VMO1: variants seen among roughly 807,000 people sequenced by gnomAD.
VMO1 encodes the protein vitelline membrane outer layer 1 homolog, also known as vitelline membrane outer layer protein 1 homolog.
In VMO1, 13 loss-of-function variants were observed where a neutral mutation model predicts 10.1. That is an observed-to-expected ratio of 1.29 (90% CI 0.84 to 2.05). VMO1 has a LOEUF of 2.05. Ranked by LOEUF, VMO1 falls within the 30% of genes most tolerant of loss-of-function variation. VMO1 has a pLI of 0.00. For missense variants in VMO1, 304 were observed against 276.9 expected (o/e 1.10, Z -0.70); for synonymous variants, 117 against 122.2 (o/e 0.96, Z 0.28).
intron 2 of VMO1, 124 bp downstream of exon 2, chr17:4,785,813 C>G: frequency 6.5e-7 from 1 of 1,536,592 alleles, no homozygotes; most frequent in African/African-American, 1.4e-5. Context: ...ATCCACCCTT[C>G]GCCTCCCCGG....
chr17:4,785,410 G>A lies in VMO1; in HGVS notation c.561C>T (p.Gly187=). ...GCGCGTCGTTCAGCGCAGTGTCATC[G>A]CCGAGGCCTCTAGGTCCCTGGATCT... The part of the protein sequence containing the change: ...QTKIQGPRGL[G]DDTALNDARL... The change falls in exon 3 of 3, where the codon GGC becomes GGT. Residue 187 remains glycine, a synonymous_variant. Transcript: ENST00000328739. 3 of 1,614,048 alleles carry A rather than the reference G, an allele frequency of 1.9e-6. No homozygotes were observed. Among genetic ancestry groups the A allele is most frequent in the Non-Finnish European group, 2.5e-6 (3 of 1,180,016 alleles).
At position 4,786,276 on chromosome 17, in the gene VMO1, G is replaced by A. The variant is rs1917492464; in HGVS notation, c.77C>T (p.Thr26Ile). The change falls in exon 1 of 3, where the codon ACA becomes ATA. Residue 26 changes from threonine (T) to isoleucine (I), a missense_variant. Transcript: ENST00000328739. ...CGCCGTGTAGCCGTTCCGGCCATCT[G>A]TCTGTGCACATGTGAAACCAGTCGC... ...LRATGFTCAQ[T>I]DGRNGYTAVI... is the part of the protein sequence containing the mutation. The A allele has an allele frequency of 6.2e-7, 1 of 1,611,238 alleles. No individual in the cohort carries two copies. Among genetic ancestry groups the A allele is most frequent in the Non-Finnish European group, 8.5e-7 (1 of 1,179,478 alleles).
chr17:4,786,303 C>T lies in VMO1; in HGVS notation c.50G>A (p.Arg17Gln). Residue 17 changes from arginine (R) to glutamine (Q), a missense_variant, in exon 1 of 3, where the codon CGG (arginine) becomes CAG (glutamine). By Grantham distance (43) the Arg-to-Gln change is conservative. Coordinates refer to ENST00000328739, the MANE Select transcript of VMO1 (RefSeq NM_182566.3). ...AKLLPLLLLL[R>Q]ATGFTCAQTD... ...CTGTGCACATGTGAAACCAGTCGCCCGCAGAAGCAGCAGCAGCGGCAGCAG... is the reference window on the plus strand; with the variant it reads ...CTGTGCACATGTGAAACCAGTCGCCTGCAGAAGCAGCAGCAGCGGCAGCAG... 3 of 1,606,302 alleles carry T rather than the reference C, an allele frequency of 1.9e-6. No individual in the cohort carries two copies. Among genetic ancestry groups the T allele is most frequent in the South Asian group, 2.2e-5 (2 of 90,736 alleles).
rs549234913 is a variant in VMO1, at chr17:4,786,070, G to A, written c.196-18C>T. 11 of 1,613,956 alleles carry A rather than the reference G, an allele frequency of 6.8e-6. No homozygotes were observed. The highest frequency in any genetic ancestry group is 1.3e-5 in the African/African-American group (1 of 74,918). On this transcript the variant is annotated intron_variant, in intron 1 of 2. Coordinates refer to ENST00000328739, the MANE Select transcript of VMO1 (RefSeq NM_182566.3). ...GGCTCCACCTGGGTATCGAGGAGAG[G>A]GGCAAGGGCGAGTCACGGAATTATC...
rs1917463805 is a variant in VMO1, at chr17:4,785,819, C to G, written c.311+118G>C. On this transcript the variant is annotated intron_variant, in intron 2 of 2. Transcript: ENST00000328739. ...GGGTCTTCCATCCACCCTTCGCCTC[C>G]CCGGTCTATACTGCCCCGTAGCTCT... 9 of 1,544,954 alleles carry G rather than the reference C, an allele frequency of 5.8e-6. No individual in the cohort carries two copies. The Admixed American group carries it at 7.9e-5, about 14-fold the overall frequency.
chr17:4,785,871 G>C, intron 2 of VMO1, 66 bp downstream of exon 2: 7 of 1,603,510 alleles, frequency 4.4e-6, no homozygotes, highest in Non-Finnish European at 5.1e-6. Flanking sequence ...CTGTTGCGAC[G>C]GAGTATGTAA....
rs775939709 is a variant in VMO1 at position 4,785,426 on chromosome 17, CCCTGG to C, written c.540_544del (p.Ile180MetfsTer3). 2.5e-6 allele frequency: 4 copies of C among 1,614,062 alleles called. No individual in the cohort carries two copies. In the African/African-American group the frequency reaches 4.0e-5, roughly 16 times the overall value. On this transcript the variant is annotated frameshift_variant, in exon 3 of 3. Transcript: ENST00000328739. LOFTEE classifies it high-confidence loss of function. The stretch of plus-strand genomic sequence containing the variant: ...AGTGTCATCGCCGAGGCCTCTAGGT[CCCTGG>C]ATCTTGGTCTGCAGGCCGCACGCGC...
chr17:4,785,321 T>G lies in VMO1; in HGVS notation c.*41A>C, dbSNP rs1917430589. 1 of 1,569,294 alleles carries G rather than the reference T, an allele frequency of 6.4e-7. No homozygotes were observed. The highest frequency in any genetic ancestry group is 1.9e-5 in the Admixed American group (1 of 53,524). Reference sequence around the variant, plus strand: ...AAGCTTTAATAGCAAGAGGTGGGACTAGCCTCCTGGCCCGGGAGAGAGCGG... The same window carrying G: ...AAGCTTTAATAGCAAGAGGTGGGACGAGCCTCCTGGCCCGGGAGAGAGCGG... On this transcript the variant is annotated 3_prime_UTR_variant, in exon 3 of 3. Coordinates refer to ENST00000328739, the MANE Select transcript of VMO1 (RefSeq NM_182566.3).
rs1917495523 is a variant in VMO1, at chr17:4,786,315, AGCAGCG to A, written c.32_37del (p.Pro11_Leu12del). The A allele has an allele frequency of 3.8e-6, 6 of 1,596,862 alleles. No homozygotes were observed. The highest frequency in any genetic ancestry group is 5.1e-6 in the Non-Finnish European group (6 of 1,175,794). On this transcript the variant is annotated inframe_deletion, in exon 1 of 3. Coordinates refer to ENST00000328739, the MANE Select transcript of VMO1 (RefSeq NM_182566.3). ...GAAACCAGTCGCCCGCAGAAGCAGC[AGCAGCG>A]GCAGCAGCTTGGCTCCTGCGCCCCG...
Position 4,785,562 on chromosome 17 carries a change from T to C in VMO1, c.409A>G (p.Thr137Ala), listed in dbSNP as rs1917451082. ...VEAPTTLGDN[T>A]AANNVRFRCS... ...CGGAAGCGCACGTTGTTCGCTGCTG[T>C]GTTGTCACCGAGGGTCGTGGGTGCC... The change falls in exon 3 of 3, where the codon ACA (threonine) becomes GCA (alanine). Residue 137 changes from threonine to alanine, a missense_variant. Transcript: ENST00000328739. The C allele has an allele frequency of 8.7e-6, 14 of 1,613,998 alleles. No individual in the cohort carries two copies. Among genetic ancestry groups the C allele is most frequent in the South Asian group, 1.1e-5 (1 of 91,094 alleles).
At position 4,785,674 on chromosome 17, in the gene VMO1, G is replaced by A. The variant is rs951735751; in HGVS notation, c.312-15C>T. The A allele has an allele frequency of 2.5e-6, 4 of 1,600,894 alleles. No homozygotes were observed. In the African/African-American group the frequency reaches 4.0e-5, roughly 16 times the overall value. On this transcript the variant is annotated splice_polypyrimidine_tract_variant and intron_variant, in intron 2 of 2. Transcript: ENST00000328739. ...ATTCGCCCCAGCTGCAAGGCAAAGG[G>A]AGATGCGTTGCCTCTGCGGGCCCCC...
chr17:4,785,576 G>T lies in VMO1; in HGVS notation c.395C>A (p.Thr132Asn). ...AFSLRVEAPT[T>N]LGDNTAANNV... ...GTTCGCTGCTGTGTTGTCACCGAGG[G>T]TCGTGGGTGCCTCCACGCGAAGCGA... The change falls in exon 3 of 3, where the codon ACC (threonine) becomes AAC (asparagine). Residue 132 changes from threonine to asparagine, a missense_variant. Physicochemically the swap from Thr to Asn is moderately conservative, Grantham distance 65. Transcript: ENST00000328739. The T allele has an allele frequency of 6.2e-7, 1 of 1,613,950 alleles. No individual in the cohort carries two copies. Among genetic ancestry groups the T allele is most frequent in the Non-Finnish European group, 8.5e-7 (1 of 1,180,038 alleles).
Position 4,786,296 on chromosome 17 carries a change from A to G in VMO1, c.57T>C (p.Thr19=), listed in dbSNP as rs1288610466. 3 of 1,607,788 alleles carry G rather than the reference A, an allele frequency of 1.9e-6. No homozygotes were observed. The highest frequency in any genetic ancestry group is 2.7e-5 in the African/African-American group (2 of 74,870). ...CATCTGTCTGTGCACATGTGAAACCAGTCGCCCGCAGAAGCAGCAGCAGCG... is the reference window on the plus strand; with the variant it reads ...CATCTGTCTGTGCACATGTGAAACCGGTCGCCCGCAGAAGCAGCAGCAGCG... ...LLPLLLLLRA[T]GFTCAQTDGR... is the part of the protein sequence containing the mutation. Residue 19 remains threonine, a synonymous_variant, in exon 1 of 3, where the codon ACT becomes ACC. Transcript: ENST00000328739.
chr17:4,785,477 C>A lies in VMO1; in HGVS notation c.494G>T (p.Trp165Leu). The change falls in exon 3 of 3, where the codon TGG (tryptophan) becomes TTG (leucine). Residue 165 changes from tryptophan (W) to leucine (L), a missense_variant. Transcript: ENST00000328739. ...PGLSWGDFGD[W>L]SDHCPKGACG... ...CGCGCCCTTGGGGCAATGGTCACTC[C>A]AGTCTCCAAAGTCTCCCCAGCTCAG... 1 of 1,614,236 alleles carries A rather than the reference C, an allele frequency of 6.2e-7. No individual in the cohort carries two copies. The highest frequency in any genetic ancestry group is 8.5e-7 in the Non-Finnish European group (1 of 1,180,040).
Position 4,785,655 on chromosome 17 carries a change from C to A in VMO1, c.316G>T (p.Gly106Cys). 1 of 1,609,278 alleles carries A rather than the reference C, an allele frequency of 6.2e-7. No homozygotes were observed. Among genetic ancestry groups the A allele is most frequent in the Non-Finnish European group, 8.5e-7 (1 of 1,179,200 alleles). ...CACCACAGCGGCTCACTCCATTCGC[C>A]CCAGCTGCAAGGCAAAGGGAGATGC... is the stretch of plus-strand genomic sequence containing the variant. ...HVVESQSGSW[G>C]EWSEPLWCRG... The change falls in exon 3 of 3, where the codon GGC becomes TGC. Residue 106 changes from glycine to cysteine, a missense_variant. Gly to Cys is a radical substitution (Grantham distance 159, BLOSUM62 -3). Transcript: ENST00000328739.
chr17:4,785,532 A>C lies in VMO1; in HGVS notation c.439T>G (p.Ser147Ala), dbSNP rs1168489034. The C allele has an allele frequency of 6.2e-7, 1 of 1,614,194 alleles. No homozygotes were observed. Among genetic ancestry groups the C allele is most frequent in the Non-Finnish European group, 8.5e-7 (1 of 1,180,026 alleles). ...TAANNVRFRC[S>A]DGEELQGPGL... ...GGCCCCTGCAGTTCCTCGCCGTCTGAACAGCGGAAGCGCACGTTGTTCGCT... is the reference window on the plus strand; with the variant it reads ...GGCCCCTGCAGTTCCTCGCCGTCTGCACAGCGGAAGCGCACGTTGTTCGCT... The change falls in exon 3 of 3, where the codon TCA becomes GCA. Residue 147 changes from serine to alanine, a missense_variant. By Grantham distance (99) the Ser-to-Ala change is moderately conservative (BLOSUM62 1). Coordinates refer to ENST00000328739, the MANE Select transcript of VMO1 (RefSeq NM_182566.3).
chr17:4,785,701 A>T (rs2279962), intron 2 of VMO1, 42 bp from the exon 3 acceptor site: 1 of 1,563,644 alleles, frequency 6.4e-7, no homozygotes, highest in Non-Finnish European at 8.7e-7. Flanking sequence ...CGGGCCCCCC[A>T]TTCACCAAGC....
rs2150651083 is a variant in VMO1, at chr17:4,785,467, A to G, written c.504T>C (p.His168=). Residue 168 remains histidine (H), a synonymous_variant, in exon 3 of 3, where the codon CAT becomes CAC. Coordinates refer to ENST00000328739, the MANE Select transcript of VMO1 (RefSeq NM_182566.3). ...SWGDFGDWSD[H]CPKGACGLQT... ...GCAGGCCGCACGCGCCCTTGGGGCA[A>G]TGGTCACTCCAGTCTCCAAAGTCTC... is the stretch of plus-strand genomic sequence containing the variant. 1 of 1,614,074 alleles carries G rather than the reference A, an allele frequency of 6.2e-7. No homozygotes were observed. Among genetic ancestry groups the G allele is most frequent in the East Asian group, 2.2e-5 (1 of 44,886 alleles).
chr17:4,785,821 C>G (rs890774352), intron 2 of VMO1, 116 bp downstream of exon 2: 12 of 1,546,028 alleles, frequency 7.8e-6, no homozygotes, highest in South Asian at 2.3e-5. Flanking sequence ...TTCGCCTCCC[C>G]GGTCTATACT....
Sources: allele counts gnomAD v4.1 joint callset, GRCh38; gene constraint gnomAD v4.1.1; transcripts MANE v1.5; gene names NCBI Gene and HGNC (gene_info 2026-07-23, HGNC 2026-07-21).